Variants in ARID4B observed in about 807,000 individuals in gnomAD.
ARID4B encodes the protein AT-rich interactive domain-containing protein 4B.
ARID4B carries 26 observed loss-of-function variants against 147.5 expected under a neutral mutation model. That is an observed-to-expected ratio of 0.18 (90% CI 0.13 to 0.24). ARID4B has a LOEUF of 0.24. Ranked by LOEUF, ARID4B falls within the 10% of genes least tolerant of loss-of-function variation. ARID4B has a pLI of 1.00. For synonymous variants in ARID4B, 512 were observed against 507.9 expected, an observed-to-expected ratio of 1.01 and a Z score of -0.11; for missense variants, 1,179 against 1,511.5, an observed-to-expected ratio of 0.78 and a Z score of 3.65.
At chr1:235,295,248 G>A (rs1485641605) in intron 2 of ARID4B, among the ~76,000 whole-genome samples, 1 of 152,142 alleles carries the variant, frequency 6.6e-6, no homozygotes, top group Non-Finnish European at 1.5e-5. Flanking sequence ...AGTGGCTCAC[G>A]CCTGTAATCC....
intron 2 of ARID4B, among the ~76,000 whole-genome samples, chr1:235,308,434 G>T (rs931792008): frequency 8.6e-5 from 13 of 150,494 alleles, no homozygotes; most frequent in African/African-American, 3.2e-4. Context: ...TAAGAAACAG[G>T]GGCTCCCCCT....
At chr1:235,260,785 ACTCT>A in intron 2 of ARID4B, 33 bp from the exon 3 acceptor site, 2 of 1,435,828 alleles carry the variant, frequency 1.4e-6, no homozygotes, top group Non-Finnish European at 1.9e-6. Context: ...TTAGATTTAA[ACTCT>A]CTAATTCTTT....
intron 2 of ARID4B, among the ~76,000 whole-genome samples, chr1:235,322,864 A>G (rs1327885066): frequency 6.6e-6 from 1 of 152,046 alleles, no homozygotes; most frequent in African/African-American, 2.4e-5. Flanking sequence ...ATAGGGAGAC[A>G]AACAAAGGTA....
intron 17 of ARID4B, among the ~76,000 whole-genome samples, chr1:235,196,725 G>C (rs1391745246): frequency 6.6e-6 from 1 of 151,662 alleles, no homozygotes; most frequent in Non-Finnish European, 1.5e-5. Context: ...TGGTGGTGGG[G>C]GCCTGTAGCC....
intron 2 of ARID4B, among the ~76,000 whole-genome samples, chr1:235,289,954 T>C (rs986200184): frequency 6.6e-6 from 1 of 150,936 alleles, no homozygotes; most frequent in African/African-American, 2.4e-5. Context: ...TGCTTGAACC[T>C]GGGAGACAGA....
chr1:235,175,827 A>G (rs1017762502), intron 21 of ARID4B, among the ~76,000 whole-genome samples: 1 of 152,234 alleles, frequency 6.6e-6, no homozygotes, highest in Non-Finnish European at 1.5e-5. Flanking sequence ...ATGCACAATC[A>G]TCATATTCAA....
At chr1:235,254,021 A>C (rs1451094462) in intron 5 of ARID4B, among the ~76,000 whole-genome samples, 1 of 152,182 alleles carries the variant, frequency 6.6e-6, no homozygotes, top group African/African-American at 2.4e-5. Flanking sequence ...TGGATAAATA[A>C]TTTTCAGTAC....
intron 17 of ARID4B, among the ~76,000 whole-genome samples, chr1:235,209,165 C>T (rs1183065105): frequency 6.6e-6 from 1 of 152,126 alleles, no homozygotes; most frequent in Non-Finnish European, 1.5e-5. Context: ...TAGGGACATA[C>T]ATGAAAATTA....
chr1:235,277,446 G>A (rs564509380), intron 2 of ARID4B, among the ~76,000 whole-genome samples: 1 of 151,946 alleles, frequency 6.6e-6, no homozygotes, highest in African/African-American at 2.4e-5. Context: ...GGCTGAGGCA[G>A]GAGAATGGCG....
intron 2 of ARID4B, among the ~76,000 whole-genome samples, chr1:235,287,583 T>C (rs925161830): frequency 6.6e-6 from 1 of 152,236 alleles, no homozygotes; most frequent in African/African-American, 2.4e-5. Context: ...AGCAAATTAA[T>C]GCCTAATTAT....
intron 23 of ARID4B, among the ~76,000 whole-genome samples, chr1:235,169,696 C>G (rs966091698): frequency 1.3e-5 from 2 of 150,822 alleles, no homozygotes; most frequent in Non-Finnish European, 3.0e-5. Flanking sequence ...GGGTCTTGCT[C>G]TGTTGCCCAG....
At chr1:235,201,187 CT>C (rs1665891477) in intron 17 of ARID4B, among the ~76,000 whole-genome samples, 1 of 151,968 alleles carries the variant, frequency 6.6e-6, no homozygotes. Flanking sequence ...AACAAAATAA[CT>C]GGAAAGGAAG....
At chr1:235,301,436 G>A (rs1182018274) in intron 2 of ARID4B, among the ~76,000 whole-genome samples, 1 of 151,562 alleles carries the variant, frequency 6.6e-6, no homozygotes, top group East Asian at 2.0e-4. Flanking sequence ...TTACTTGGGA[G>A]ACTGAGGTGG....
chr1:235,229,336 G>C lies in ARID4B; in HGVS notation c.792C>G (p.Asn264Lys). ...EFHKSRTIPA[N>K]WKTELKEDSS... The stretch of plus-strand genomic sequence containing the variant: ...TATCTTCTTTCAATTCAGTCTTCCA[G>C]TTAGCAGGAATAGTTCTACTTTTGT... The change falls in exon 11 of 24, where the codon AAC becomes AAG. Residue 264 changes from asparagine to lysine, a missense_variant. By Grantham distance (94) the Asn-to-Lys change is moderately conservative. Transcript: ENST00000264183. 6.2e-6 allele frequency: 10 copies of C among 1,613,586 alleles called. No individual in the cohort carries two copies. The highest frequency in any genetic ancestry group is 8.5e-6 in the Non-Finnish European group (10 of 1,179,854).
At chr1:235,253,627 A>G (rs991988963) in intron 5 of ARID4B, among the ~76,000 whole-genome samples, 1 of 152,178 alleles carries the variant, frequency 6.6e-6, no homozygotes, top group African/African-American at 2.4e-5. Context: ...TAGGGGAAAA[A>G]TTTTAATAAA....
rs140722826 is a variant in ARID4B, at chr1:235,198,555, T to C, written c.1842-2440A>G. 9.3e-4 allele frequency among the ~76,000 whole-genome samples: 142 copies of C among 152,320 alleles called. 1 individual carries two copies. Among genetic ancestry groups the C allele is most frequent in the African/African-American group, 3.4e-3 (142 of 41,568 alleles). ...GATGGATGCTTGGTATGGTACAGGC[T>C]GGGGCCCACTGCCTAAGCTCTGTAA... On this transcript the variant is annotated intron_variant, in intron 17 of 23. Coordinates refer to ENST00000264183, the MANE Select transcript of ARID4B (RefSeq NM_016374.6).
intron 17 of ARID4B, among the ~76,000 whole-genome samples, chr1:235,198,780 T>C (rs749304519): frequency 6.6e-6 from 1 of 152,192 alleles, no homozygotes; most frequent in Non-Finnish European, 1.5e-5. Context: ...AGTATGGCCT[T>C]ACTATTCTGG....
At chr1:235,211,195 G>A (rs1039554515) in intron 17 of ARID4B, among the ~76,000 whole-genome samples, 31 of 152,130 alleles carry the variant, frequency 2.0e-4, no homozygotes, top group Non-Finnish European at 3.5e-4. Context: ...TTAGCTGGGC[G>A]TGGTGGTGCG....
Position 235,255,707 on chromosome 1 carries a change from T to C in ARID4B, c.227A>G (p.Gln76Arg), listed in dbSNP as rs1250506494. ...VEVKNLDGAYQEAVINKLTDA... is the reference protein window; with the variant it reads ...VEVKNLDGAYREAVINKLTDA... Reference sequence around the variant, plus strand: ...TGTTAGTTTATTGATAACAGCTTCCTGATATGCACCATCAAGATTCTTCAC... The same window carrying C: ...TGTTAGTTTATTGATAACAGCTTCCCGATATGCACCATCAAGATTCTTCAC... The change falls in exon 5 of 24, where the codon CAG becomes CGG. Residue 76 changes from glutamine (Q) to arginine (R), a missense_variant. Gln to Arg is a conservative substitution (Grantham distance 43). This residue lies in a region of ARID4B where 56 missense variants were observed against 99.2 expected (regional missense o/e 0.56). Coordinates refer to ENST00000264183, the MANE Select transcript of ARID4B (RefSeq NM_016374.6). 1.2e-6 allele frequency: 2 copies of C among 1,612,378 alleles called. No individual in the cohort carries two copies. The highest frequency in any genetic ancestry group is 3.3e-5 in the Admixed American group (2 of 59,812).
Sources: allele counts gnomAD v4.1 joint callset (sites outside exome capture counted in the v4.1 genomes callset), GRCh38; gene constraint gnomAD v4.1.1; regional missense constraint gnomAD v4.1.1; transcripts MANE v1.5; gene names NCBI Gene and HGNC (gene_info 2026-07-23, HGNC 2026-07-21).